The following ESR1 variants were observed in gnomAD, a reference collection of about 807,000 sequenced individuals.
ESR1 encodes estrogen receptor.
Under a neutral mutation model 52.7 loss-of-function variants are expected in ESR1, and 12 were observed. The ratio of observed to expected loss-of-function variants is 0.23; its 90% confidence interval spans 0.15 to 0.37. ESR1 has a LOEUF of 0.37. ESR1 is among the 10% of genes least tolerant of loss of function. The pLI is 1.00. For synonymous variants in ESR1, 305 were observed against 316.8 expected, an observed-to-expected ratio of 0.96 and a Z score of 0.39; for missense variants, 584 against 779.7, an observed-to-expected ratio of 0.75 and a Z score of 2.99.
chr6:151,899,852 A>C, intron 3 of ESR1, among the ~76,000 whole-genome samples: 1 of 150,896 alleles, frequency 6.6e-6, no homozygotes, highest in Non-Finnish European at 1.5e-5. Context: ...GGCCGGGAAG[A>C]GGCGCTCCTC....
intron 1 of ESR1, among the ~76,000 whole-genome samples, chr6:151,699,923 A>C (rs1235769983): frequency 6.6e-6 from 1 of 152,132 alleles, no homozygotes; most frequent in African/African-American, 2.4e-5. Context: ...TATAACCAGA[A>C]AGTCACCGTG....
chr6:151,973,646 C>G (rs1366331806), intron 4 of ESR1, among the ~76,000 whole-genome samples: 8 of 152,182 alleles, frequency 5.3e-5, no homozygotes, highest in Admixed American at 1.3e-4. Flanking sequence ...CTAGCAGGCA[C>G]TGAGAAAGTC....
chr6:151,759,764 A>G (rs1005545366), intron 2 of ESR1, among the ~76,000 whole-genome samples: 1 of 152,176 alleles, frequency 6.6e-6, no homozygotes, highest in African/African-American at 2.4e-5. Context: ...GCGGATGTAT[A>G]TCAGGTGGCA....
At chr6:151,737,969 G>A (rs1782801279) in intron 2 of ESR1, among the ~76,000 whole-genome samples, 1 of 152,148 alleles carries the variant, frequency 6.6e-6, no homozygotes, top group Admixed American at 6.5e-5. Context: ...AGTGTTCTTT[G>A]AGCAGTCTTA....
intron 1 of ESR1, among the ~76,000 whole-genome samples, chr6:151,810,466 C>T (rs1778635962): frequency 6.6e-6 from 1 of 152,218 alleles, no homozygotes; most frequent in African/African-American, 2.4e-5. Context: ...TAGTATTTTT[C>T]CCCTCTCAGT....
At position 151,837,125 on chromosome 6, in the gene ESR1, T is replaced by G. The variant is rs970207629; in HGVS notation, c.453-5472T>G. The stretch of plus-strand genomic sequence containing the variant: ...TGAATACCTTCAGACATCCCTCTTT[T>G]TTTTTTTTTTTTTCACCCAGGCTGG... On this transcript the variant is annotated intron_variant, in intron 1 of 7. Transcript: ENST00000206249. 4.6e-5 allele frequency among the ~76,000 whole-genome samples: 7 copies of G among 150,570 alleles called. 1 individual carries two copies. Among genetic ancestry groups the G allele is most frequent in the East Asian group, 3.9e-4 (2 of 5,142 alleles).
chr6:151,806,557 T>TATATATATATATATATATATATATACAC (rs1554259008), upstream of ESR1, among the ~76,000 whole-genome samples: 1 of 133,790 alleles, frequency 7.5e-6, no homozygotes. Context: ...TATATATATA[T>TATATATATATATATATATATATATACAC]ACACATATAT....
intron 2 of ESR1, among the ~76,000 whole-genome samples, chr6:151,740,350 G>A (rs1221290748): frequency 7.0e-6 from 1 of 142,558 alleles, no homozygotes; most frequent in Non-Finnish European, 1.5e-5. Context: ...TGGCCAGGCT[G>A]GTCTCAAACT....
At chr6:151,686,306 G>T (rs913864335), upstream of ESR1, among the ~76,000 whole-genome samples, 1 of 152,034 alleles carries the variant, frequency 6.6e-6, no homozygotes, top group Non-Finnish European at 1.5e-5. Context: ...TTGAGGATGG[G>T]TCATATTATG....
chr6:151,891,162 A>G (rs890917101), intron 3 of ESR1, among the ~76,000 whole-genome samples: 5 of 152,108 alleles, frequency 3.3e-5, no homozygotes, highest in African/African-American at 1.2e-4. Context: ...TACTCAATTT[A>G]TTTGATTGCT....
intron 1 of ESR1, among the ~76,000 whole-genome samples, chr6:151,839,885 A>G (rs1054218068): frequency 1.3e-5 from 2 of 152,146 alleles, no homozygotes; most frequent in Non-Finnish European, 2.9e-5. Context: ...TGGTTGCACG[A>G]TGATGTGAGT....
chr6:152,053,653 CCTCTCT>C lies in ESR1; in HGVS notation c.1236-7323_1236-7318del, dbSNP rs147485631. Among the ~76,000 whole-genome samples the C allele has an allele frequency of 4.1e-5, 6 of 147,828 alleles. No individual in the cohort carries two copies. Among genetic ancestry groups the C allele is most frequent in the East Asian group, 4.0e-4 (2 of 5,050 alleles). On this transcript the variant is annotated intron_variant, in intron 5 of 7. Coordinates refer to ENST00000206249, the MANE Select transcript of ESR1 (RefSeq NM_000125.4). This position sits in a 1 kb window ranked among gnomAD's most constrained non-coding sequence, Gnocchi z 4.1. Reference sequence around the variant, plus strand: ...TTCTTTCTGTCTCTGTCTCTGTCTGCCTCTCTCTCTCTCTCTCTCTTCCCTAGTGAG... The same window carrying C: ...TTCTTTCTGTCTCTGTCTCTGTCTGCCTCTCTCTCTCTCTTCCCTAGTGAG...
intron 3 of ESR1, among the ~76,000 whole-genome samples, chr6:151,889,060 A>G (rs1229163188): frequency 6.6e-6 from 1 of 152,074 alleles, no homozygotes; most frequent in East Asian, 1.9e-4. Flanking sequence ...CATGACAATC[A>G]ATTTTGCTAG....
upstream of ESR1, among the ~76,000 whole-genome samples, chr6:151,685,690 T>G (rs1375564299): frequency 6.6e-6 from 1 of 152,194 alleles, no homozygotes; most frequent in Non-Finnish European, 1.5e-5. Context: ...ATCAATAATG[T>G]TTTTGCTTTA....
At chr6:151,960,717 C>T (rs528388366) in intron 4 of ESR1, among the ~76,000 whole-genome samples, 1 of 152,290 alleles carries the variant, frequency 6.6e-6, no homozygotes, top group South Asian at 2.1e-4. Context: ...CACAAGTGTT[C>T]TCTTTGTCTA....
chr6:151,740,285 A>ATTTTTTTTTTTTT (rs386408967), intron 2 of ESR1, among the ~76,000 whole-genome samples: 21 of 107,996 alleles, frequency 1.9e-4, no homozygotes, highest in Middle Eastern at 5.4e-3. Context: ...TGCCTGGCTA[A>ATTTTTTTTTTTTT]TTTTTTTTTT....
At chr6:151,716,363 T>C (rs1781034948) in intron 2 of ESR1, among the ~76,000 whole-genome samples, 1 of 152,164 alleles carries the variant, frequency 6.6e-6, no homozygotes, top group East Asian at 1.9e-4. Flanking sequence ...AATATTGTGC[T>C]GGGGGATCCG....
chr6:152,012,172 C>A (rs1177353780), intron 5 of ESR1, among the ~76,000 whole-genome samples: 1 of 151,870 alleles, frequency 6.6e-6, no homozygotes, highest in Admixed American at 6.6e-5. Flanking sequence ...GCTTCTTGTA[C>A]ATCCATACCA....
At chr6:151,923,908 A>G (rs1456735498) in intron 3 of ESR1, among the ~76,000 whole-genome samples, 2 of 152,194 alleles carry the variant, frequency 1.3e-5, no homozygotes, top group Admixed American at 6.5e-5. Context: ...AAATAGCTGT[A>G]CCATTTTGCA....
Sources: allele counts gnomAD v4.1 joint callset (sites outside exome capture counted in the v4.1 genomes callset), GRCh38; gene constraint gnomAD v4.1.1; non-coding constraint Gnocchi (gnomAD v3.1); transcripts MANE v1.5; gene names NCBI Gene and HGNC (gene_info 2026-07-23, HGNC 2026-07-21).